Variants in HECA observed in about 807,000 individuals in gnomAD.
HECA encodes the protein headcase protein homolog.
In HECA, 13 loss-of-function variants were observed where a neutral mutation model predicts 37.6. The ratio of observed to expected loss-of-function variants is 0.35; its 90% confidence interval spans 0.23 to 0.55. The LOEUF (loss-of-function observed/expected upper bound fraction) is 0.55, where lower values mean the gene tolerates loss of function less well. Ranked by LOEUF, HECA falls within the 20% of genes least tolerant of loss-of-function variation. HECA has a pLI of 0.90. For synonymous variants in HECA, 307 were observed against 291.5 expected (o/e 1.05, Z -0.54); for missense variants, 527 against 701.9 (o/e 0.75, Z 2.82).
At position 139,135,295 on chromosome 6, in the gene HECA, C is replaced by G; in HGVS notation, c.-102C>G. The G allele has an allele frequency of 1.0e-6, 1 of 977,452 alleles. No homozygotes were observed. Among genetic ancestry groups the G allele is most frequent in the Non-Finnish European group, 1.3e-6 (1 of 783,600 alleles). The allele number at this position is 977,452 out of a possible 1,614,324, so 60.5% of individuals were successfully genotyped here. On this transcript the variant is annotated 5_prime_UTR_variant, in exon 1 of 4. Coordinates refer to ENST00000367658, the MANE Select transcript of HECA (RefSeq NM_016217.3). The stretch of plus-strand genomic sequence containing the variant: ...GAGGGAACCGCCGGCTCGCGCCCTC[C>G]GTTCTTTCCCGGAGCCGGCTTCACG...
chr6:139,174,738 G>A (rs887437041), intron 3 of HECA, 199 bp downstream of exon 3: 4 of 660,354 alleles, frequency 6.1e-6, no homozygotes, highest in Admixed American at 8.2e-5. Flanking sequence ...ATAATTATGT[G>A]GGAAGCATTT....
At chr6:139,146,391 T>C (rs1416475454) in intron 1 of HECA, among the ~76,000 whole-genome samples, 1 of 152,234 alleles carries the variant, frequency 6.6e-6, no homozygotes, top group African/African-American at 2.4e-5. Context: ...ATGTTGAAAC[T>C]GAGTCACAGG....
chr6:139,176,105 C>T lies in HECA; in HGVS notation c.1468-836C>T, dbSNP rs1050661804. On this transcript the variant is annotated intron_variant, in intron 3 of 3. Transcript: ENST00000367658. This position sits in a 1 kb window ranked among gnomAD's most constrained non-coding sequence, Gnocchi z 4.5. Reference sequence around the variant, plus strand: ...CTTTTAATGTTGTTCAGAGAGATTACGTAGTTAAAAGAGTGTTTATCTCAG... The same window carrying T: ...CTTTTAATGTTGTTCAGAGAGATTATGTAGTTAAAAGAGTGTTTATCTCAG... Among the ~76,000 whole-genome samples, 1 of 152,198 alleles carries T rather than the reference C, an allele frequency of 6.6e-6. No individual in the cohort carries two copies. The highest frequency in any genetic ancestry group is 2.1e-4 in the South Asian group (1 of 4,830).
chr6:139,171,783 C>T (rs375643719), intron 2 of HECA, among the ~76,000 whole-genome samples: 7 of 152,098 alleles, frequency 4.6e-5, no homozygotes, highest in African/African-American at 1.7e-4. Context: ...CAAGCCACCA[C>T]ACTCGGCTTA....
At chr6:139,154,068 A>G (rs902708925) in intron 1 of HECA, among the ~76,000 whole-genome samples, 1 of 152,204 alleles carries the variant, frequency 6.6e-6, no homozygotes, top group African/African-American at 2.4e-5. Flanking sequence ...AAAAACAGTG[A>G]GCTGTGGTGT....
intron 1 of HECA, among the ~76,000 whole-genome samples, chr6:139,160,647 G>A (rs1465594549): frequency 2.0e-5 from 3 of 152,066 alleles, no homozygotes; most frequent in Non-Finnish European, 1.5e-5. Flanking sequence ...ACTCCTGGCC[G>A]CAAGTGATTC....
At chr6:139,153,365 A>G (rs563018048) in intron 1 of HECA, 1 of 152,304 alleles carries the variant, frequency 6.6e-6, no homozygotes, top group South Asian at 2.1e-4. Flanking sequence ...TTATGCAAAC[A>G]GAATCCTAAT....
At chr6:139,166,135 C>A in intron 1 of HECA, 149 bp from the exon 2 acceptor site, 1 of 657,686 alleles carries the variant, frequency 1.5e-6, no homozygotes. Flanking sequence ...CCCTGGTTCA[C>A]TGGAGTGATT....
In HECA at chr6:139,167,278, G is replaced by T. The variant is rs751931133; in HGVS notation, c.1266G>T (p.Pro422=). Residue 422 remains proline (P), a synonymous_variant, in exon 2 of 4, where the codon CCG becomes CCT. Coordinates refer to ENST00000367658, the MANE Select transcript of HECA (RefSeq NM_016217.3). The part of the protein sequence containing the change: ...PLVDGTLFLS[P]SRHDEIEYDV... ...TGGATGGAACTTTGTTCCTAAGCCC[G>T]TCGAGACATGATGAGATCGAATATG... 1.2e-6 allele frequency: 2 copies of T among 1,611,958 alleles called. No individual in the cohort carries two copies. The highest frequency in any genetic ancestry group is 4.5e-5 in the East Asian group (2 of 44,800).
chr6:139,161,677 C>A (rs1774804387), intron 1 of HECA, among the ~76,000 whole-genome samples: 1 of 152,192 alleles, frequency 6.6e-6, no homozygotes, highest in African/African-American at 2.4e-5. Flanking sequence ...AATATCAAGT[C>A]AGTCTCAACA....
chr6:139,176,891 G>GTGTT lies in HECA; in HGVS notation c.1468-49_1468-46dup. 1.2e-6 allele frequency: 1 copy of GTGTT among 838,658 alleles called. No individual in the cohort carries two copies. The highest frequency in any genetic ancestry group is 2.1e-6 in the Non-Finnish European group (1 of 477,550). 52.0% of individuals were successfully genotyped at this position (838,658 alleles called of 1,614,324 possible). A position where few individuals can be genotyped will look rare whatever the true frequency, so the allele number is the denominator to read the frequency against. On this transcript the variant is annotated intron_variant, in intron 3 of 3. Coordinates refer to ENST00000367658, the MANE Select transcript of HECA (RefSeq NM_016217.3). This position sits in a 1 kb window ranked among gnomAD's most constrained non-coding sequence, Gnocchi z 4.5. The stretch of plus-strand genomic sequence containing the variant: ...ATTTTGGTTTGGATGACTTTGACAA[G>GTGTT]TGTTGGGAAGTGGAGGGGTGTTGTG...
At chr6:139,144,061 G>A (rs559617994) in intron 1 of HECA, 51 of 152,188 alleles carry the variant, frequency 3.4e-4, no homozygotes, top group African/African-American at 1.2e-3. Flanking sequence ...GTACTTTGGG[G>A]GATCAGCCAG....
chr6:139,153,688 G>C (rs574105638), intron 1 of HECA, among the ~76,000 whole-genome samples: 1 of 151,808 alleles, frequency 6.6e-6, no homozygotes, highest in Non-Finnish European at 1.5e-5. Context: ...CAAAGTGCTG[G>C]GATTACAGGT....
In HECA at chr6:139,176,976, G is replaced by T; in HGVS notation, c.1503G>T (p.Val501=). The change falls in exon 4 of 4, where the codon GTG becomes GTT. Residue 501 remains valine (V), a synonymous_variant. Transcript: ENST00000367658. This position sits in a 1 kb window ranked among gnomAD's most constrained non-coding sequence, Gnocchi z 4.5. The stretch of plus-strand genomic sequence containing the variant: ...ACTGTAAGCACTGTGGGAAGCCGGT[G>T]ATCGACGTGAGGATCGGGATGCAGT... ...RLNCKHCGKP[V]IDVRIGMQYF... is the part of the protein sequence containing the mutation. The T allele has an allele frequency of 1.1e-6, 1 of 872,746 alleles. No homozygotes were observed. The highest frequency in any genetic ancestry group is 2.0e-6 in the Non-Finnish European group (1 of 501,498). The allele number at this position is 872,746 out of a possible 1,614,324, so 54.1% of individuals were successfully genotyped here.
rs937669137 is a variant in HECA, at chr6:139,167,040, TC to T, written c.1030del (p.Leu344PhefsTer18). On this transcript the variant is annotated frameshift_variant, in exon 2 of 4. Transcript: ENST00000367658. LOFTEE classifies it high-confidence loss of function. ...RGGHFDTPVQ[F>X]LRRLDLSELL... ...GGACACTTCGACACCCCCGTGCAGT[TC>T]CTTCGGCGGCTGGACCTCTCCGAAC... is the stretch of plus-strand genomic sequence containing the variant. 1 of 1,614,070 alleles carries T rather than the reference TC, an allele frequency of 6.2e-7. No individual in the cohort carries two copies. Among genetic ancestry groups the T allele is most frequent in the African/African-American group, 1.3e-5 (1 of 74,936 alleles).
intron 1 of HECA, among the ~76,000 whole-genome samples, chr6:139,158,149 G>A (rs1324006428): frequency 6.6e-6 from 1 of 152,018 alleles, no homozygotes; most frequent in East Asian, 1.9e-4. Flanking sequence ...TTAAGCCCAG[G>A]AGTTCAAGAC....
chr6:139,136,706 C>G (rs1774451623), intron 1 of HECA, among the ~76,000 whole-genome samples: 1 of 151,512 alleles, frequency 6.6e-6, no homozygotes. Flanking sequence ...GCAATCTCGG[C>G]TCACTGCAAC....
intron 2 of HECA, among the ~76,000 whole-genome samples, chr6:139,171,432 G>A (rs1372818426): frequency 6.6e-6 from 1 of 152,220 alleles, no homozygotes; most frequent in Non-Finnish European, 1.5e-5. Flanking sequence ...AACGTTTGAT[G>A]TAAAACCTGA....
Position 139,135,518 on chromosome 6 carries a change from G to A in HECA, c.122G>A (p.Gly41Glu). The A allele has an allele frequency of 9.8e-7, 1 of 1,019,512 alleles. No homozygotes were observed. Among genetic ancestry groups the A allele is most frequent in the Non-Finnish European group, 1.2e-6 (1 of 852,838 alleles). 63.2% of individuals were successfully genotyped at this position (1,019,512 alleles called of 1,614,324 possible). A position where few individuals can be genotyped will look rare whatever the true frequency, so the allele number is the denominator to read the frequency against. ...AAAGAAGAAA[G>E]GALAAAAGCG... ...GCGGGCGCGGCGGGAGCGGCGGCCG[G>A]GGGGGCCCTGGCGGCGGCGGCCGGT... is the stretch of plus-strand genomic sequence containing the variant. Residue 41 changes from glycine (G) to glutamate (E), a missense_variant, in exon 1 of 4, where the codon GGG becomes GAG. By Grantham distance (98) the Gly-to-Glu change is moderately conservative (BLOSUM62 -2). Transcript: ENST00000367658.
Sources: allele counts gnomAD v4.1 joint callset (sites outside exome capture counted in the v4.1 genomes callset), GRCh38; gene constraint gnomAD v4.1.1; non-coding constraint Gnocchi (gnomAD v3.1); transcripts MANE v1.5; gene names NCBI Gene and HGNC (gene_info 2026-07-23, HGNC 2026-07-21).